Variants in UBE2R2 observed in about 807,000 individuals in gnomAD.
UBE2R2 encodes ubiquitin-conjugating enzyme E2 R2.
UBE2R2 carries 1 observed loss-of-function variant against 27.8 expected under a neutral mutation model. The observed-to-expected ratio is 0.04, with a 90% CI of 0.01 to 0.17. The LOEUF (loss-of-function observed/expected upper bound fraction) is 0.17, where lower values mean the gene tolerates loss of function less well. UBE2R2 is among the 10% of genes least tolerant of loss of function. The probability of loss-of-function intolerance (pLI) is 1.00; values close to 1 mark genes in which losing one functional copy is unlikely to be tolerated. For missense variants in UBE2R2, 100 were observed against 291.0 expected (o/e 0.34, Z 4.78); for synonymous variants, 106 against 113.3 (o/e 0.94, Z 0.41).
chr9:33,830,158 ATTT>A (rs34007720), intron 1 of UBE2R2, among the ~76,000 whole-genome samples: 1 of 135,374 alleles, frequency 7.4e-6, no homozygotes. Context: ...AAGTTTCATA[ATTT>A]TTTTTTTTTT....
chr9:33,893,688 G>A, intron 2 of UBE2R2, among the ~76,000 whole-genome samples: 1 of 152,124 alleles, frequency 6.6e-6, no homozygotes, highest in East Asian at 1.9e-4. Context: ...AGGCTGGGAT[G>A]CAGTCAGGAT....
At chr9:33,862,354 G>A (rs1258558127) in intron 1 of UBE2R2, among the ~76,000 whole-genome samples, 3 of 151,960 alleles carry the variant, frequency 2.0e-5, no homozygotes, top group South Asian at 2.1e-4. Context: ...AACTTCTTTC[G>A]TTATGTTAGC....
chr9:33,836,158 T>C (rs1272953742), intron 1 of UBE2R2, among the ~76,000 whole-genome samples: 1 of 151,852 alleles, frequency 6.6e-6, no homozygotes, highest in Non-Finnish European at 1.5e-5. Context: ...ATAGAAAAAT[T>C]AGCTGGGCGT....
rs916988368 is a variant in UBE2R2 at position 33,920,029 on chromosome 9, T to C, written c.*2792T>C. On this transcript the variant is annotated 3_prime_UTR_variant, in exon 5 of 5. Coordinates refer to ENST00000263228, the MANE Select transcript of UBE2R2 (RefSeq NM_017811.4). ...ACCTTCTTTCCCTTACCCTGGCAAA[T>C]TGCTTCTTTACTTGCTGGTTTCCTT... 3 of 152,428 alleles carry C rather than the reference T, an allele frequency of 2.0e-5. No individual in the cohort carries two copies. Among genetic ancestry groups the C allele is most frequent in the African/African-American group, 4.8e-5 (2 of 41,434 alleles). The allele number at this position is 152,428 out of a possible 1,614,324, so 9.4% of individuals were successfully genotyped here.
At chr9:33,859,760 TTGTGTGTGTGTGTG>T (rs57089790) in intron 1 of UBE2R2, among the ~76,000 whole-genome samples, 8 of 130,614 alleles carry the variant, frequency 6.1e-5, no homozygotes, top group Non-Finnish European at 7.9e-5. Flanking sequence ...TCTAAGCCTT[TTGTGTGTGTGTGTG>T]TGTGTGTGTG....
intron 1 of UBE2R2, among the ~76,000 whole-genome samples, chr9:33,868,332 G>A (rs1486703777): frequency 6.6e-6 from 1 of 152,120 alleles, no homozygotes; most frequent in Non-Finnish European, 1.5e-5. Flanking sequence ...TTTCACTTAG[G>A]ACAAACTTAA....
chr9:33,897,995 G>A lies in UBE2R2; in HGVS notation c.265-2179G>A, dbSNP rs193227938. 8.7e-4 allele frequency among the ~76,000 whole-genome samples: 132 copies of A among 151,232 alleles called. No individual in the cohort carries two copies. The East Asian group carries it at 0.023, about 27-fold the overall frequency. ...TCTCCATGTTAGTCAGGCTGGTCTC[G>A]AACTCCTGACCTCAGGTGATCTGCC... On this transcript the variant is annotated intron_variant, in intron 2 of 4. Transcript: ENST00000263228.
intron 1 of UBE2R2, among the ~76,000 whole-genome samples, chr9:33,830,158 A>ATT (rs34007720): frequency 0.014 from 1,886 of 135,378 alleles, 44 homozygotes; most frequent in African/African-American, 0.034. Context: ...AAGTTTCATA[A>ATT]TTTTTTTTTT....
At chr9:33,907,374 A>T (rs1196559110) in intron 3 of UBE2R2, among the ~76,000 whole-genome samples, 2 of 152,118 alleles carry the variant, frequency 1.3e-5, no homozygotes, top group Non-Finnish European at 2.9e-5. Context: ...GCTGTGGCAT[A>T]AAGAGGGGCA....
chr9:33,871,156 A>C (rs1016576284), intron 1 of UBE2R2, among the ~76,000 whole-genome samples: 3 of 152,218 alleles, frequency 2.0e-5, no homozygotes, highest in African/African-American at 7.2e-5. Flanking sequence ...CAACTAGTAG[A>C]GATTTCATTT....
At chr9:33,869,521 A>G (rs1348160259) in intron 1 of UBE2R2, among the ~76,000 whole-genome samples, 2 of 151,596 alleles carry the variant, frequency 1.3e-5, no homozygotes, top group African/African-American at 4.9e-5. Flanking sequence ...GTCTCAGCTC[A>G]CTGCAATCTC....
At chr9:33,834,071 A>G (rs1379608042) in intron 1 of UBE2R2, among the ~76,000 whole-genome samples, 3 of 152,112 alleles carry the variant, frequency 2.0e-5, no homozygotes, top group Non-Finnish European at 4.4e-5. Flanking sequence ...ATTGTGAATC[A>G]TGCCGTTCTC....
chr9:33,825,164 G>T lies in UBE2R2; in HGVS notation c.177+7230G>T, dbSNP rs181454836. Among the ~76,000 whole-genome samples, 522 of 152,030 alleles carry T rather than the reference G, an allele frequency of 3.4e-3. 2 individuals are homozygous for T. The highest frequency in any genetic ancestry group is 0.01 in the Middle Eastern group (3 of 290). Reference sequence around the variant, plus strand: ...AACCTTAGAGCTTTTAAGAATGATCGGCCAGGCGGTCGCCTGTAATCCCAG... The same window carrying T: ...AACCTTAGAGCTTTTAAGAATGATCTGCCAGGCGGTCGCCTGTAATCCCAG... On this transcript the variant is annotated intron_variant, in intron 1 of 4. Transcript: ENST00000263228.
chr9:33,891,670 T>C (rs1821990632), intron 2 of UBE2R2, among the ~76,000 whole-genome samples: 1 of 151,878 alleles, frequency 6.6e-6, no homozygotes, highest in Non-Finnish European at 1.5e-5. Flanking sequence ...AATAAATAAA[T>C]CAAAAGACAA....
chr9:33,830,265 C>G (rs949384675), intron 1 of UBE2R2, among the ~76,000 whole-genome samples: 4 of 149,472 alleles, frequency 2.7e-5, no homozygotes, highest in Non-Finnish European at 5.9e-5. Flanking sequence ...TCAAACAATT[C>G]TCATGCCTCA....
rs191541370 is a variant in UBE2R2 at position 33,878,172 on chromosome 9, T to C, written c.178-8709T>C. On this transcript the variant is annotated intron_variant, in intron 1 of 4. Coordinates refer to ENST00000263228, the MANE Select transcript of UBE2R2 (RefSeq NM_017811.4). ...TAAATAAGTACTATTATCCCCTTTT[T>C]ACTGGTGAGGAAACTGAGATATAAA... Among the ~76,000 whole-genome samples, 26 of 152,332 alleles carry C rather than the reference T, an allele frequency of 1.7e-4. No individual in the cohort carries two copies. In the East Asian group the frequency reaches 4.6e-3, roughly 27 times the overall value.
In UBE2R2 at chr9:33,877,823, G is replaced by GTCTGTCTCTCTCTCTC; in HGVS notation, c.178-9055_178-9054insGTCTCTCTCTCTCTCT. On this transcript the variant is annotated intron_variant, in intron 1 of 4. Transcript: ENST00000263228. ...TCTCTGTCTGTCTGTCTGTCTGTCT[G>GTCTGTCTCTCTCTCTC]TCTCTCTCTCTCTCTCTCTCTCTCT... Among the ~76,000 whole-genome samples the GTCTGTCTCTCTCTCTC allele has an allele frequency of 3.7e-4, 49 of 131,124 alleles. 2 individuals are homozygous for GTCTGTCTCTCTCTCTC. Among genetic ancestry groups the GTCTGTCTCTCTCTCTC allele is most frequent in the African/African-American group, 9.2e-4 (28 of 30,342 alleles). The allele number at this position is 131,124 out of a possible 152,430, so 86.0% of individuals were successfully genotyped here. A position where few individuals can be genotyped will look rare whatever the true frequency, so the allele number is the denominator to read the frequency against.
rs1011619809 is a variant in UBE2R2 at position 33,917,369 on chromosome 9, G to C, written c.*132G>C. 7.2e-6 allele frequency: 10 copies of C among 1,392,882 alleles called. No individual in the cohort carries two copies. The highest frequency in any genetic ancestry group is 2.6e-4 in the Middle Eastern group (1 of 3,840). The allele number at this position is 1,392,882 out of a possible 1,614,324, so 86.3% of individuals were successfully genotyped here. On this transcript the variant is annotated 3_prime_UTR_variant, in exon 5 of 5. Transcript: ENST00000263228. ...TGGGGAAACACACACAGCTCCTGCT[G>C]ACTCCCCTTATGGATCTCAGTTTGC...
chr9:33,884,152 A>C, intron 1 of UBE2R2, among the ~76,000 whole-genome samples: 1 of 145,960 alleles, frequency 6.9e-6, no homozygotes, highest in Non-Finnish European at 1.5e-5. Context: ...ACAGAGCAAG[A>C]CCCTGTCTCA....
Sources: allele counts gnomAD v4.1 joint callset (sites outside exome capture counted in the v4.1 genomes callset), GRCh38; gene constraint gnomAD v4.1.1; transcripts MANE v1.5; gene names NCBI Gene and HGNC (gene_info 2026-07-23, HGNC 2026-07-21).